The following TRIM67 variants were observed in gnomAD, a reference collection of about 807,000 sequenced individuals.
The protein encoded by TRIM67 is tripartite motif-containing protein 67.
In TRIM67, 39 loss-of-function variants were observed where a neutral mutation model predicts 71.0. That is an observed-to-expected ratio of 0.55 (90% CI 0.43 to 0.72). The LOEUF is 0.72. Ranked by LOEUF, TRIM67 falls within the 30% of genes least tolerant of loss-of-function variation. The probability of loss-of-function intolerance (pLI) is 0.00; values close to 1 mark genes in which losing one functional copy is unlikely to be tolerated. For missense variants in TRIM67, 973 were observed against 1,079.2 expected, an observed-to-expected ratio of 0.90 and a Z score of 1.38; for synonymous variants, 481 against 473.9, an observed-to-expected ratio of 1.01 and a Z score of -0.19.
chr1:231,206,936 C>G, intron 7 of TRIM67, 146 bp downstream of exon 7: 1 of 808,038 alleles, frequency 1.2e-6, no homozygotes, highest in Non-Finnish European at 1.8e-6. Flanking sequence ...GCGTGCCCTT[C>G]TGGGACCACA....
At chr1:231,181,719 C>T in intron 1 of TRIM67, among the ~76,000 whole-genome samples, 1 of 151,978 alleles carries the variant, frequency 6.6e-6, no homozygotes, top group Non-Finnish European at 1.5e-5. Flanking sequence ...TTGCTTGACT[C>T]CCTGAGCTGT....
At chr1:231,191,743 C>T (rs1427004223) in intron 1 of TRIM67, among the ~76,000 whole-genome samples, 1 of 152,148 alleles carries the variant, frequency 6.6e-6, no homozygotes, top group Non-Finnish European at 1.5e-5. Context: ...GCTCCATGCC[C>T]TAGAAACAGT....
At position 231,217,966 on chromosome 1, in the gene TRIM67, C is replaced by T; in HGVS notation, c.*2526C>T. ...CTGAGCTTGGGGGCTGGGATTCTCC[C>T]TTTTCTGACTCCTCCAGGAGCCCAG... On this transcript the variant is annotated 3_prime_UTR_variant, in exon 10 of 10. Transcript: ENST00000366653. 1 of 1,246,846 alleles carries T rather than the reference C, an allele frequency of 8.0e-7. No homozygotes were observed. The highest frequency in any genetic ancestry group is 1.0e-6 in the Non-Finnish European group (1 of 969,502). The allele number at this position is 1,246,846 out of a possible 1,614,324, so 77.2% of individuals were successfully genotyped here. A position where few individuals can be genotyped will look rare whatever the true frequency, so the allele number is the denominator to read the frequency against.
intron 6 of TRIM67, among the ~76,000 whole-genome samples, chr1:231,206,059 G>A (rs149328153): frequency 0.024 from 3,596 of 152,240 alleles, 141 homozygotes; most frequent in African/African-American, 0.082. Context: ...TGCCCAAGTT[G>A]GTCAAGTTCT....
intron 5 of TRIM67, among the ~76,000 whole-genome samples, chr1:231,201,902 G>A (rs1454408000): frequency 6.6e-6 from 1 of 152,274 alleles, no homozygotes; most frequent in Non-Finnish European, 1.5e-5. Flanking sequence ...GAAGGAAATA[G>A]ACACTAAACA....
chr1:231,168,349 C>A (rs1408444070), intron 1 of TRIM67, among the ~76,000 whole-genome samples: 1 of 152,214 alleles, frequency 6.6e-6, no homozygotes, highest in Non-Finnish European at 1.5e-5. Flanking sequence ...CACCTTAATA[C>A]TGAATTTTGG....
Position 231,221,228 on chromosome 1 carries a change from C to T in TRIM67, c.*5788C>T, listed in dbSNP as rs1684131239. 1 of 152,408 alleles carries T rather than the reference C, an allele frequency of 6.6e-6. No homozygotes were observed. The highest frequency in any genetic ancestry group is 2.4e-5 in the African/African-American group (1 of 41,452). 9.4% of individuals were successfully genotyped at this position (152,408 alleles called of 1,614,324 possible). On this transcript the variant is annotated 3_prime_UTR_variant, in exon 10 of 10. Coordinates refer to ENST00000366653, the MANE Select transcript of TRIM67 (RefSeq NM_001004342.5). ...TGACCGTCGACAGAAGTCCAATTTT[C>T]TTGCCTTTCTTTATCCCCATTTCTC...
In TRIM67 at chr1:231,215,686, A is replaced by G. The variant is rs1683996925; in HGVS notation, c.*246A>G. 2.4e-6 allele frequency: 3 copies of G among 1,255,724 alleles called. No homozygotes were observed. The highest frequency in any genetic ancestry group is 2.0e-6 in the Non-Finnish European group (2 of 999,726). 77.8% of individuals were successfully genotyped at this position (1,255,724 alleles called of 1,614,324 possible). On this transcript the variant is annotated 3_prime_UTR_variant, in exon 10 of 10. Transcript: ENST00000366653. Reference sequence around the variant, plus strand: ...TGTGTCACCCTTATTCCACCCAGACATTACGAACACTCCCCAAGAAGGACC... The same window carrying G: ...TGTGTCACCCTTATTCCACCCAGACGTTACGAACACTCCCCAAGAAGGACC...
Position 231,216,971 on chromosome 1 carries a change from T to G in TRIM67, c.*1531T>G. ...GCATTTTATTTCTGAGGCTGAGAAG[T>G]GACTTGTCAATTTGCTGGACTGGAT... is the stretch of plus-strand genomic sequence containing the variant. On this transcript the variant is annotated 3_prime_UTR_variant, in exon 10 of 10. Coordinates refer to ENST00000366653, the MANE Select transcript of TRIM67 (RefSeq NM_001004342.5). 1 of 985,838 alleles carries G rather than the reference T, an allele frequency of 1.0e-6. No individual in the cohort carries two copies. The highest frequency in any genetic ancestry group is 1.2e-6 in the Non-Finnish European group (1 of 829,946). The allele number at this position is 985,838 out of a possible 1,614,324, so 61.1% of individuals were successfully genotyped here.
At position 231,209,751 on chromosome 1, in the gene TRIM67, G is replaced by C. The variant is rs2102761238; in HGVS notation, c.2123+501G>C. 6.6e-6 allele frequency among the ~76,000 whole-genome samples: 1 copy of C among 152,366 alleles called. No individual in the cohort carries two copies. The highest frequency in any genetic ancestry group is 2.1e-4 in the South Asian group (1 of 4,832). On this transcript the variant is annotated intron_variant, in intron 8 of 9. Coordinates refer to ENST00000366653, the MANE Select transcript of TRIM67 (RefSeq NM_001004342.5). This position sits in a 1 kb window ranked among gnomAD's most constrained non-coding sequence, Gnocchi z 4.1. ...CCGGGCCCTTGACAGGGCAGTAGCA[G>C]AGGGCATGGCTGGGGTGCTCACTAC...
chr1:231,210,588 A>C (rs113805152), intron 8 of TRIM67, among the ~76,000 whole-genome samples: 4,411 of 151,182 alleles, frequency 0.029, 90 homozygotes, highest in South Asian at 0.046. Context: ...TGCTTAAACC[A>C]AACTGGCACC....
In TRIM67 at chr1:231,178,965, A is replaced by T. The variant is rs140326287; in HGVS notation, c.1044+14952A>T. ...CCCAACACCCATTTTTATGATGTGG[A>T]GAAAGAGTATATGCAATATGATTTT... On this transcript the variant is annotated intron_variant, in intron 1 of 9. Coordinates refer to ENST00000366653, the MANE Select transcript of TRIM67 (RefSeq NM_001004342.5). 2.5e-4 allele frequency among the ~76,000 whole-genome samples: 38 copies of T among 152,302 alleles called. No individual in the cohort carries two copies. In the East Asian group the frequency reaches 7.3e-3, roughly 29 times the overall value.
chr1:231,216,200 CTT>C lies in TRIM67; in HGVS notation c.*762_*763del, dbSNP rs1684009512. ...TCCTTCCTTCCCTCCTTTGCTCTCT[CTT>C]TCTTCCTTTCCTCCTTCTCTCTTAC... On this transcript the variant is annotated 3_prime_UTR_variant, in exon 10 of 10. Transcript: ENST00000366653. 1.0e-6 allele frequency: 1 copy of C among 956,544 alleles called. No homozygotes were observed. Among genetic ancestry groups the C allele is most frequent in the Non-Finnish European group, 1.2e-6 (1 of 804,172 alleles). 59.3% of individuals were successfully genotyped at this position (956,544 alleles called of 1,614,324 possible). A position where few individuals can be genotyped will look rare whatever the true frequency, so the allele number is the denominator to read the frequency against.
intron 1 of TRIM67, chr1:231,187,667 G>A (rs186927890): frequency 8.0e-6 from 9 of 1,120,480 alleles, no homozygotes; most frequent in South Asian, 1.5e-5. Flanking sequence ...CCCAAGTGGG[G>A]CATCAAACTG....
intron 1 of TRIM67, among the ~76,000 whole-genome samples, chr1:231,168,608 A>G (rs1682541358): frequency 6.6e-6 from 1 of 152,232 alleles, no homozygotes; most frequent in African/African-American, 2.4e-5. Flanking sequence ...GATAAGGTGG[A>G]TTGTCTTCTT....
intron 1 of TRIM67, among the ~76,000 whole-genome samples, chr1:231,175,047 T>C (rs9431949): frequency 0.36 from 55,147 of 152,088 alleles, 10,129 homozygotes; most frequent in South Asian, 0.53. Flanking sequence ...GCAGCCATGC[T>C]ACTGCTCCCT....
chr1:231,189,998 G>A (rs1280034670), intron 1 of TRIM67, among the ~76,000 whole-genome samples: 1 of 152,158 alleles, frequency 6.6e-6, no homozygotes, highest in African/African-American at 2.4e-5. Context: ...AGGCTTGTAA[G>A]ACACATTTTG....
At chr1:231,172,854 T>C (rs6541259) in intron 1 of TRIM67, among the ~76,000 whole-genome samples, 18,043 of 152,222 alleles carry the variant, frequency 0.12, 1,376 homozygotes, top group East Asian at 0.29. Flanking sequence ...AATGAAGAGA[T>C]GAGACTTTCT....
intron 1 of TRIM67, among the ~76,000 whole-genome samples, chr1:231,189,575 A>C (rs1267413306): frequency 6.6e-6 from 1 of 152,188 alleles, no homozygotes; most frequent in East Asian, 1.9e-4. Flanking sequence ...GATAAACAAA[A>C]GGAATGTACT....
Sources: gnomAD v4.1 joint callset for allele counts (sites outside exome capture counted in the v4.1 genomes callset) on GRCh38, gnomAD v4.1.1 for gene constraint, Gnocchi (gnomAD v3.1) non-coding constraint, MANE v1.5 for transcripts, NCBI Gene and HGNC (gene_info 2026-07-23, HGNC 2026-07-21) for gene names.